STXBP4: variants seen among roughly 807,000 people sequenced by gnomAD.
STXBP4 encodes syntaxin-binding protein 4.
In STXBP4, 55 loss-of-function variants were observed where a neutral mutation model predicts 76.1. The observed-to-expected ratio is 0.72, with a 90% CI of 0.58 to 0.91. STXBP4 has a LOEUF of 0.91. STXBP4 is among the 40% of genes least tolerant of loss of function. The pLI is 0.00. For missense variants in STXBP4, 618 were observed against 636.9 expected, an observed-to-expected ratio of 0.97 and a Z score of 0.32; for synonymous variants, 201 against 220.2, an observed-to-expected ratio of 0.91 and a Z score of 0.77.
At chr17:55,079,765 A>G (rs759410655) in intron 15 of STXBP4, among the ~76,000 whole-genome samples, 5 of 152,126 alleles carry the variant, frequency 3.3e-5, no homozygotes, top group Non-Finnish European at 5.9e-5. Context: ...TAACATAGTG[A>G]TGCCCTGTCT....
chr17:55,015,208 G>A (rs1320852511), intron 8 of STXBP4, among the ~76,000 whole-genome samples: 3 of 152,184 alleles, frequency 2.0e-5, no homozygotes, highest in African/African-American at 7.2e-5. Flanking sequence ...GGACATCAGT[G>A]AATAATTCAT....
the STXBP4 span, among the ~76,000 whole-genome samples, chr17:55,197,376 T>C: frequency 3.5e-4 from 54 of 152,332 alleles, 1 homozygote; most frequent in African/African-American, 1.2e-3. Flanking sequence ...TTTCCCCACA[T>C]TGGGAACCAA....
chr17:55,159,834 A>G lies in STXBP4; in HGVS notation c.1585A>G (p.Met529Val). ...GACTACATCCTGGATCCATCCCGTG[A>G]TGAGTGTCCTGAATCTATCTCGCTC... Reference protein sequence around the residue: ...TQTTSWIHPVMSVLNLSRSEE... With the variant: ...TQTTSWIHPVVSVLNLSRSEE... Residue 529 changes from methionine to valine, a missense_variant, in exon 18 of 18, where the codon ATG becomes GTG. Met to Val is a conservative substitution (Grantham distance 21, BLOSUM62 1). Coordinates refer to ENST00000376352, the MANE Select transcript of STXBP4 (RefSeq NM_178509.6). The G allele has an allele frequency of 6.2e-7, 1 of 1,613,868 alleles. No individual in the cohort carries two copies. Among genetic ancestry groups the G allele is most frequent in the Non-Finnish European group, 8.5e-7 (1 of 1,179,812 alleles).
intron 8 of STXBP4, 89 bp downstream of exon 8, chr17:55,007,686 C>A: frequency 1.0e-6 from 1 of 960,952 alleles, no homozygotes; most frequent in South Asian, 1.6e-5. Flanking sequence ...GTACTGGAGT[C>A]ATTAGTTTCT....
At chr17:55,019,455 A>G (rs1238478074) in intron 8 of STXBP4, among the ~76,000 whole-genome samples, 1 of 152,140 alleles carries the variant, frequency 6.6e-6, no homozygotes. Flanking sequence ...CTGCTTCTCA[A>G]TTTGTATACC....
intron 12 of STXBP4, among the ~76,000 whole-genome samples, chr17:55,069,067 T>C (rs2079088794): frequency 1.3e-5 from 2 of 151,970 alleles, no homozygotes; most frequent in South Asian, 4.2e-4. Context: ...GGTCTGCTCT[T>C]TGAAGTTTCA....
chr17:55,118,769 T>A (rs990902212), intron 16 of STXBP4, among the ~76,000 whole-genome samples: 1 of 151,730 alleles, frequency 6.6e-6, no homozygotes, highest in Non-Finnish European at 1.5e-5. Flanking sequence ...TAGGCAAATG[T>A]ACTATTATAG....
chr17:55,171,173 A>G lies in STXBP4; in HGVS notation c.*11262A>G, dbSNP rs922361472. 3 of 152,338 alleles carry G rather than the reference A, an allele frequency of 2.0e-5. No individual in the cohort carries two copies. The highest frequency in any genetic ancestry group is 2.1e-4 in the South Asian group (1 of 4,824). 9.4% of individuals were successfully genotyped at this position (152,338 alleles called of 1,614,324 possible). A position where few individuals can be genotyped will look rare whatever the true frequency, so the allele number is the denominator to read the frequency against. The stretch of plus-strand genomic sequence containing the variant: ...ACTCTTTGGACTTAGAGCCATGTCT[A>G]AAGTGTCCTTCTTTTGGATATAGTG... On this transcript the variant is annotated 3_prime_UTR_variant, in exon 18 of 18. Transcript: ENST00000376352.
At chr17:55,090,660 C>T (rs148269959) in intron 16 of STXBP4, among the ~76,000 whole-genome samples, 12 of 152,118 alleles carry the variant, frequency 7.9e-5, no homozygotes, top group African/African-American at 2.9e-4. Flanking sequence ...TATTCTAGCT[C>T]TTATAAACAA....
chr17:54,974,683 C>T (rs1416023382), intron 1 of STXBP4, among the ~76,000 whole-genome samples: 2 of 152,204 alleles, frequency 1.3e-5, no homozygotes, highest in Non-Finnish European at 2.9e-5. Flanking sequence ...GGGTTCTTGG[C>T]TTGGCCTAGA....
At chr17:55,199,823 T>C in the STXBP4 span, among the ~76,000 whole-genome samples, 46 of 152,304 alleles carry the variant, frequency 3.0e-4, no homozygotes, top group Non-Finnish European at 5.9e-4. Context: ...TGATCTAAGC[T>C]CTAGCTGTCC....
the STXBP4 span, among the ~76,000 whole-genome samples, chr17:55,179,043 T>G: frequency 6.6e-6 from 1 of 152,242 alleles, no homozygotes; most frequent in Non-Finnish European, 1.5e-5. Context: ...GCAATATTAT[T>G]GTGATTGTTA....
At chr17:55,086,254 A>G (rs1336884335) in intron 16 of STXBP4, among the ~76,000 whole-genome samples, 1 of 152,138 alleles carries the variant, frequency 6.6e-6, no homozygotes, top group Admixed American at 6.6e-5. Context: ...TATTTTATTT[A>G]AATTTTATTT....
chr17:55,006,622 G>A (rs879440471), intron 7 of STXBP4, among the ~76,000 whole-genome samples: 4 of 152,062 alleles, frequency 2.6e-5, no homozygotes, highest in African/African-American at 7.2e-5. Context: ...AAATAATCAG[G>A]GTATATTGAG....
intron 8 of STXBP4, among the ~76,000 whole-genome samples, chr17:55,017,329 G>A (rs1470047666): frequency 6.6e-6 from 1 of 152,066 alleles, no homozygotes; most frequent in Non-Finnish European, 1.5e-5. Context: ...GATGGGGAAC[G>A]GATCCTACAT....
intron 16 of STXBP4, among the ~76,000 whole-genome samples, chr17:55,139,770 G>A (rs961901890): frequency 6.6e-6 from 1 of 152,036 alleles, no homozygotes; most frequent in African/African-American, 2.4e-5. Context: ...CTTATAAGAG[G>A]AACATTTGTT....
chr17:55,185,103 T>C, the STXBP4 span, among the ~76,000 whole-genome samples: 8 of 152,130 alleles, frequency 5.3e-5, no homozygotes, highest in Non-Finnish European at 1.0e-4. Context: ...ACTCCTGGGC[T>C]CAAATAATCT....
chr17:55,192,943 G>A, the STXBP4 span, among the ~76,000 whole-genome samples: 1,815 of 152,288 alleles, frequency 0.012, 32 homozygotes, highest in African/African-American at 0.041. Flanking sequence ...AGTAGAGCCA[G>A]ATTTCAAACC....
At chr17:55,042,823 C>T (rs536095541) in intron 10 of STXBP4, among the ~76,000 whole-genome samples, 1 of 152,230 alleles carries the variant, frequency 6.6e-6, no homozygotes, top group South Asian at 2.1e-4. Context: ...TTACTAGGCT[C>T]ATGTAAACCA....
Sources: gnomAD v4.1 joint callset for allele counts (sites outside exome capture counted in the v4.1 genomes callset) on GRCh38, gnomAD v4.1.1 for gene constraint, MANE v1.5 for transcripts, NCBI Gene and HGNC (gene_info 2026-07-23, HGNC 2026-07-21) for gene names.